Variants in PATJ observed in about 807,000 individuals in gnomAD.
The protein encoded by PATJ is PATJ crumbs cell polarity complex component.
Under a neutral mutation model 224.9 loss-of-function variants are expected in PATJ, and 190 were observed. The ratio of observed to expected loss-of-function variants is 0.84; its 90% CI spans 0.75 to 0.95. PATJ has a LOEUF of 0.95. PATJ is among the 40% of genes least tolerant of loss of function. PATJ has a pLI of 0.00. For synonymous variants in PATJ, 769 were observed against 820.3 expected, an observed-to-expected ratio of 0.94 and a Z score of 1.07; for missense variants, 2,121 against 2,270.3, an observed-to-expected ratio of 0.93 and a Z score of 1.34.
intron 14 of PATJ, among the ~76,000 whole-genome samples, chr1:61,812,396 A>AG (rs1654999435): frequency 8.5e-5 from 3 of 35,472 alleles, no homozygotes; most frequent in African/African-American, 3.1e-4. Flanking sequence ...GAGAGAGAGA[A>AG]TGTGAGTGAC....
intron 16 of PATJ, among the ~76,000 whole-genome samples, chr1:61,832,975 C>G (rs954566194): frequency 1.3e-5 from 2 of 152,126 alleles, no homozygotes; most frequent in Non-Finnish European, 2.9e-5. Context: ...GAGGGACTTT[C>G]AGGAGTAAAA....
intron 41 of PATJ, among the ~76,000 whole-genome samples, chr1:62,134,265 A>G (rs1404270396): frequency 7.0e-6 from 1 of 142,480 alleles, no homozygotes; most frequent in Non-Finnish European, 1.5e-5. Flanking sequence ...CACTCAAGAG[A>G]CTGTCCCACC....
At chr1:61,921,028 G>T (rs1238041420) in intron 26 of PATJ, among the ~76,000 whole-genome samples, 1 of 152,048 alleles carries the variant, frequency 6.6e-6, no homozygotes, top group Non-Finnish European at 1.5e-5. Context: ...TTCTTAAGGT[G>T]CACCTTTTTC....
intron 31 of PATJ, among the ~76,000 whole-genome samples, chr1:62,067,726 GTGTT>G (rs1416934022): frequency 6.6e-6 from 1 of 152,132 alleles, no homozygotes; most frequent in Admixed American, 6.6e-5. Context: ...GTAAACATTA[GTGTT>G]TGTTTGTTGT....
chr1:62,016,706 T>G (rs1646788688), intron 28 of PATJ, among the ~76,000 whole-genome samples: 1 of 152,220 alleles, frequency 6.6e-6, no homozygotes, highest in Non-Finnish European at 1.5e-5. Flanking sequence ...CTACCATGTC[T>G]TGGATATGAG....
intron 1 of PATJ, among the ~76,000 whole-genome samples, chr1:61,760,344 G>T (rs1254064645): frequency 6.6e-6 from 1 of 152,124 alleles, no homozygotes; most frequent in Non-Finnish European, 1.5e-5. Flanking sequence ...AGAAGATAAA[G>T]ATGTCATTCA....
chr1:61,878,692 A>G lies in PATJ; in HGVS notation c.2959+3326A>G, dbSNP rs181767610. 1.1e-3 allele frequency among the ~76,000 whole-genome samples: 162 copies of G among 152,240 alleles called. 2 individuals are homozygous for G. Among genetic ancestry groups the G allele is most frequent in the Admixed American group, 9.6e-3 (146 of 15,284 alleles). On this transcript the variant is annotated intron_variant, in intron 21 of 43. Transcript: ENST00000642238. ...GACCCCATCTCTATTTAAAAAAAAAAAAAAAGTTTTAAAAGAGTATCTACA... is the reference window on the plus strand; with the variant it reads ...GACCCCATCTCTATTTAAAAAAAAAGAAAAAGTTTTAAAAGAGTATCTACA...
intron 14 of PATJ, among the ~76,000 whole-genome samples, chr1:61,810,487 C>G (rs184848021): frequency 6.6e-6 from 1 of 151,558 alleles, no homozygotes; most frequent in Non-Finnish European, 1.5e-5. Context: ...TCATGAGGTC[C>G]GAAGTTCGAG....
At chr1:61,968,965 G>T (rs946289966) in intron 27 of PATJ, among the ~76,000 whole-genome samples, 1 of 152,166 alleles carries the variant, frequency 6.6e-6, no homozygotes, top group African/African-American at 2.4e-5. Context: ...TGTGTAAGTG[G>T]AATCATATTG....
In PATJ at chr1:62,160,955, A is replaced by G. The variant is rs1669784542; in HGVS notation, c.5550A>G (p.Leu1850=). The change falls in exon 44 of 44, where the codon TTA becomes TTG. Residue 1850 remains leucine (L), a synonymous_variant. Transcript: ENST00000642238. ...DGRLKRGDQI[L]AVNGETLEGV... ...GATTAAAACGAGGGGATCAGATTTTAGCTGTTAATGGCGAGACCCTGGAAG... is the reference window on the plus strand; with the variant it reads ...GATTAAAACGAGGGGATCAGATTTTGGCTGTTAATGGCGAGACCCTGGAAG... The G allele has an allele frequency of 6.2e-7, 1 of 1,613,956 alleles. No homozygotes were observed. The highest frequency in any genetic ancestry group is 1.3e-5 in the African/African-American group (1 of 74,916).
At chr1:61,947,874 C>G (rs887735529) in intron 27 of PATJ, among the ~76,000 whole-genome samples, 1 of 152,094 alleles carries the variant, frequency 6.6e-6, no homozygotes, top group African/African-American at 2.4e-5. Flanking sequence ...GAGATATAGA[C>G]CAATGGAATA....
chr1:62,155,086 C>G (rs563389299), intron 43 of PATJ, among the ~76,000 whole-genome samples: 1 of 152,262 alleles, frequency 6.6e-6, no homozygotes, highest in East Asian at 1.9e-4. Flanking sequence ...GATAATTATT[C>G]TTTGGAGGGC....
At chr1:61,790,467 G>T (rs138216261) in intron 8 of PATJ, among the ~76,000 whole-genome samples, 1 of 151,030 alleles carries the variant, frequency 6.6e-6, no homozygotes, top group Non-Finnish European at 1.5e-5. Flanking sequence ...GGTGGGCTTG[G>T]CTGGGCTCTC....
chr1:61,896,279 G>A (rs1439929003), intron 22 of PATJ, among the ~76,000 whole-genome samples: 8 of 138,994 alleles, frequency 5.8e-5, no homozygotes, highest in Non-Finnish European at 1.6e-5. Flanking sequence ...CTGGGCGACA[G>A]AGGGAGACTC....
intron 1 of PATJ, among the ~76,000 whole-genome samples, chr1:61,758,718 C>T (rs1279102586): frequency 6.6e-6 from 1 of 152,106 alleles, no homozygotes; most frequent in Non-Finnish European, 1.5e-5. Flanking sequence ...TTTGGATTAA[C>T]AAATGTTTTT....
At chr1:61,920,724 T>TTTC (rs1242326342) in intron 26 of PATJ, among the ~76,000 whole-genome samples, 1 of 145,190 alleles carries the variant, frequency 6.9e-6, no homozygotes, top group African/African-American at 2.7e-5. Flanking sequence ...TTTTTTTTTT[T>TTTC]TGAGACAGAG....
intron 27 of PATJ, among the ~76,000 whole-genome samples, chr1:61,977,942 A>T (rs7551938): frequency 0.024 from 3,570 of 151,818 alleles, 178 homozygotes; most frequent in African/African-American, 0.082. Flanking sequence ...ATTGAAATAC[A>T]TACAAACAGA....
chr1:61,752,384 G>A (rs945822440), intron 1 of PATJ, among the ~76,000 whole-genome samples: 6 of 145,692 alleles, frequency 4.1e-5, no homozygotes, highest in African/African-American at 1.5e-4. Context: ...CACAATCTTG[G>A]CTCACTGCAA....
intron 27 of PATJ, among the ~76,000 whole-genome samples, chr1:61,949,225 GA>G (rs956753788): frequency 5.4e-5 from 8 of 147,934 alleles, no homozygotes; most frequent in South Asian, 2.1e-4. Flanking sequence ...TAAAAAAAAA[GA>G]AAAAAAAAGG....
Sources: gnomAD v4.1 joint callset for allele counts (sites outside exome capture counted in the v4.1 genomes callset) on GRCh38, gnomAD v4.1.1 for gene constraint, MANE v1.5 for transcripts, NCBI Gene and HGNC (gene_info 2026-07-23, HGNC 2026-07-21) for gene names.